The following NWD2 variants were observed in gnomAD, a reference collection of about 807,000 sequenced individuals.
NWD2 encodes NACHT and WD repeat domain containing 2, also known as NACHT and WD repeat domain-containing protein 2.
Under a neutral mutation model 132.7 loss-of-function variants are expected in NWD2, and 37 were observed. That is an observed-to-expected ratio of 0.28 (90% confidence interval 0.21 to 0.37). The LOEUF is 0.37. Among genes scored for constraint, NWD2 ranks in the 10% least tolerant of loss-of-function variants. The pLI is 1.00. For synonymous variants in NWD2, 705 were observed against 803.0 expected, an observed-to-expected ratio of 0.88 and a Z score of 2.06; for missense variants, 1,592 against 2,122.4, an observed-to-expected ratio of 0.75 and a Z score of 4.91.
chr4:37,368,851 C>T (rs1310819682), intron 3 of NWD2, among the ~76,000 whole-genome samples: 1 of 152,162 alleles, frequency 6.6e-6, no homozygotes, highest in Non-Finnish European at 1.5e-5. Context: ...GTGAGGAGGA[C>T]ATCCTGTTGA....
intron 3 of NWD2, among the ~76,000 whole-genome samples, chr4:37,402,056 G>A (rs569173243): frequency 5.9e-5 from 9 of 152,220 alleles, no homozygotes; most frequent in Non-Finnish European, 1.2e-4. Flanking sequence ...GAGTGAATTC[G>A]TTATTTCAGG....
At chr4:37,374,381 A>G (rs1720301631) in intron 3 of NWD2, among the ~76,000 whole-genome samples, 1 of 152,210 alleles carries the variant, frequency 6.6e-6, no homozygotes, top group South Asian at 2.1e-4. Flanking sequence ...CTCTTTACAA[A>G]TTACTTAGCC....
At chr4:37,253,011 C>A (rs1161066420) in intron 1 of NWD2, among the ~76,000 whole-genome samples, 1 of 148,060 alleles carries the variant, frequency 6.8e-6, no homozygotes, top group South Asian at 2.2e-4. Context: ...ACCCCCCCCC[C>A]TTATGTTTTG....
chr4:37,247,761 C>T (rs1165431622), intron 1 of NWD2, among the ~76,000 whole-genome samples: 1 of 151,960 alleles, frequency 6.6e-6, no homozygotes, highest in Non-Finnish European at 1.5e-5. Context: ...AGGTGCCCAC[C>T]ACTACGCCCG....
At position 37,382,668 on chromosome 4, in the gene NWD2, A is replaced by C. The variant is rs993969473; in HGVS notation, c.357+26186A>C. ...TGTTCCAGCTGGAGAATTTCCTGAA[A>C]TTTTATTTTTATTTTTTATATATTT... On this transcript the variant is annotated intron_variant, in intron 3 of 6. Transcript: ENST00000309447. Among the ~76,000 whole-genome samples the C allele has an allele frequency of 3.9e-5, 6 of 151,920 alleles. No homozygotes were observed. The East Asian group carries it at 1.2e-3, about 29-fold the overall frequency.
At chr4:37,247,408 T>C (rs949474529) in intron 1 of NWD2, among the ~76,000 whole-genome samples, 1 of 152,208 alleles carries the variant, frequency 6.6e-6, no homozygotes, top group South Asian at 2.1e-4. Flanking sequence ...CAAAGAACAT[T>C]ATCTCATGCT....
intron 3 of NWD2, among the ~76,000 whole-genome samples, chr4:37,418,970 G>A (rs1040917609): frequency 3.3e-5 from 5 of 151,860 alleles, no homozygotes; most frequent in Non-Finnish European, 7.4e-5. Flanking sequence ...GAACAAAGCT[G>A]GAGGCATCAC....
At chr4:37,421,636 T>C (rs887097672) in intron 3 of NWD2, among the ~76,000 whole-genome samples, 2 of 152,238 alleles carry the variant, frequency 1.3e-5, no homozygotes, top group Non-Finnish European at 2.9e-5. Context: ...AGAAATGTGA[T>C]TGAAGCATCA....
chr4:37,265,210 G>T (rs369090767), intron 1 of NWD2, among the ~76,000 whole-genome samples: 26 of 152,100 alleles, frequency 1.7e-4, no homozygotes, highest in African/African-American at 6.3e-4. Context: ...GATATAAAAT[G>T]ATATAGTTCT....
At chr4:37,419,626 A>T (rs1048932751) in intron 3 of NWD2, among the ~76,000 whole-genome samples, 1 of 152,164 alleles carries the variant, frequency 6.6e-6, no homozygotes, top group African/African-American at 2.4e-5. Context: ...CTAATTTTTT[A>T]AAAACCACTT....
intron 3 of NWD2, among the ~76,000 whole-genome samples, chr4:37,422,119 T>C (rs957180951): frequency 1.3e-5 from 2 of 152,192 alleles, no homozygotes; most frequent in Admixed American, 6.5e-5. Context: ...AACATAGGAA[T>C]TTTGAGGAGA....
intron 2 of NWD2, among the ~76,000 whole-genome samples, chr4:37,346,116 T>C (rs1719631830): frequency 6.6e-6 from 1 of 151,976 alleles, no homozygotes. Flanking sequence ...ACTCCTATGT[T>C]TTTCCCTTAG....
chr4:37,265,904 C>T (rs1328567920), intron 1 of NWD2, among the ~76,000 whole-genome samples: 2 of 151,924 alleles, frequency 1.3e-5, no homozygotes, highest in African/African-American at 4.8e-5. Flanking sequence ...TTTCAGGGGG[C>T]CATTATTTAG....
At chr4:37,405,461 GAAT>G (rs1720982759) in intron 3 of NWD2, among the ~76,000 whole-genome samples, 1 of 130,928 alleles carries the variant, frequency 7.6e-6, no homozygotes, top group Non-Finnish European at 1.7e-5. Context: ...GAATAGAATA[GAAT>G]AGAATAGAAT....
At position 37,430,769 on chromosome 4, in the gene NWD2, A is replaced by C. The variant is rs750902582; in HGVS notation, c.555A>C (p.Arg185Ser). The change falls in exon 4 of 7, where the codon AGA (arginine) becomes AGC (serine). Residue 185 changes from arginine to serine, a missense_variant. Physicochemically the swap from Arg to Ser is moderately radical, Grantham distance 110 (BLOSUM62 -1). Coordinates refer to ENST00000309447, the MANE Select transcript of NWD2 (RefSeq NM_001144990.2). ...AGTCAGAAATGCTGAGAAGCAATAGAAATGCAGTAAGCTGCCTTTCCCTCA... is the reference window on the plus strand; with the variant it reads ...AGTCAGAAATGCTGAGAAGCAATAGCAATGCAGTAAGCTGCCTTTCCCTCA... ...RPKSEMLRSN[R>S]NAMQPSTNAE... The C allele has an allele frequency of 4.6e-5, 71 of 1,551,238 alleles. No homozygotes were observed. Among genetic ancestry groups the C allele is most frequent in the Non-Finnish European group, 6.0e-5 (69 of 1,146,686 alleles).
At chr4:37,327,090 T>C (rs1322357405) in intron 2 of NWD2, among the ~76,000 whole-genome samples, 1 of 152,184 alleles carries the variant, frequency 6.6e-6, no homozygotes, top group Admixed American at 6.6e-5. Context: ...CTGAGGAATC[T>C]GGTTTTACTG....
chr4:37,267,682 T>A (rs1717784662), intron 1 of NWD2, among the ~76,000 whole-genome samples: 1 of 151,924 alleles, frequency 6.6e-6, no homozygotes, highest in Non-Finnish European at 1.5e-5. Flanking sequence ...TACCTCTTGG[T>A]CTTAATGTGT....
intron 3 of NWD2, among the ~76,000 whole-genome samples, chr4:37,393,065 A>G (rs1034311774): frequency 6.6e-6 from 1 of 152,150 alleles, no homozygotes; most frequent in African/African-American, 2.4e-5. Flanking sequence ...CCTTCTCTGA[A>G]TGCATTGGCT....
At chr4:37,421,674 G>A (rs546683350) in intron 3 of NWD2, among the ~76,000 whole-genome samples, 3 of 152,318 alleles carry the variant, frequency 2.0e-5, no homozygotes, top group South Asian at 2.1e-4. Flanking sequence ...TATGTTAGAC[G>A]AAATTGGTAA....
Sources: allele counts gnomAD v4.1 joint callset (sites outside exome capture counted in the v4.1 genomes callset), GRCh38; gene constraint gnomAD v4.1.1; transcripts MANE v1.5; gene names NCBI Gene and HGNC (gene_info 2026-07-23, HGNC 2026-07-21).